TMEM132D: variants seen among roughly 807,000 people sequenced by gnomAD.
TMEM132D encodes the protein transmembrane protein 132D.
Under a neutral mutation model 62.3 loss-of-function variants are expected in TMEM132D, and 21 were observed. That is an observed-to-expected ratio of 0.34 (90% CI 0.24 to 0.49). The LOEUF is 0.49. Among genes scored for constraint, TMEM132D ranks in the 20% least tolerant of loss-of-function variants. TMEM132D has a pLI of 0.99. For missense variants in TMEM132D, 1,346 were observed against 1,402.8 expected (o/e 0.96, Z 0.65); for synonymous variants, 621 against 575.6 (o/e 1.08, Z -1.13).
chr12:129,645,012 T>G (rs931893281), intron 2 of TMEM132D, among the ~76,000 whole-genome samples: 5 of 130,692 alleles, frequency 3.8e-5, no homozygotes, highest in African/African-American at 1.4e-4. Context: ...AAAAAAAAAT[T>G]AACCCAAACA....
chr12:129,428,861 C>T (rs945066176), intron 3 of TMEM132D, among the ~76,000 whole-genome samples: 36 of 152,158 alleles, frequency 2.4e-4, no homozygotes, highest in African/African-American at 8.7e-4. Context: ...TTGGAAGGCT[C>T]CCAGAATTTG....
At chr12:129,822,697 A>T (rs1251701555) in intron 1 of TMEM132D, among the ~76,000 whole-genome samples, 2 of 152,196 alleles carry the variant, frequency 1.3e-5, no homozygotes, top group Non-Finnish European at 2.9e-5. Flanking sequence ...GCACCTTCTC[A>T]CAGGGCGGCA....
intron 1 of TMEM132D, among the ~76,000 whole-genome samples, chr12:129,880,650 G>A (rs563358889): frequency 7.2e-4 from 110 of 152,264 alleles, no homozygotes; most frequent in Non-Finnish European, 1.4e-3. Context: ...TAGTAATATT[G>A]CTCAGAAATT....
intron 1 of TMEM132D, among the ~76,000 whole-genome samples, chr12:129,901,210 T>C (rs1041508221): frequency 6.6e-6 from 1 of 152,210 alleles, no homozygotes; most frequent in African/African-American, 2.4e-5. Context: ...ATTAAAATCC[T>C]TTTCAATATA....
intron 2 of TMEM132D, among the ~76,000 whole-genome samples, chr12:129,582,427 CAG>C (rs1171740856): frequency 6.6e-6 from 1 of 152,188 alleles, no homozygotes; most frequent in East Asian, 1.9e-4. Context: ...GCTCTCAATG[CAG>C]AGTGTCAGGC....
chr12:129,648,370 G>A (rs1005426722), intron 2 of TMEM132D, among the ~76,000 whole-genome samples: 2 of 152,096 alleles, frequency 1.3e-5, no homozygotes, highest in Admixed American at 6.5e-5. Flanking sequence ...CCCTGCCCTA[G>A]AAATTTCTTT....
At chr12:129,613,867 C>G (rs1878844914) in intron 2 of TMEM132D, among the ~76,000 whole-genome samples, 1 of 148,988 alleles carries the variant, frequency 6.7e-6, no homozygotes, top group Non-Finnish European at 1.5e-5. Flanking sequence ...CCAACCAGCT[C>G]CAGAACCCAG....
intron 2 of TMEM132D, among the ~76,000 whole-genome samples, chr12:129,603,865 C>T (rs1312480338): frequency 6.6e-6 from 1 of 152,164 alleles, no homozygotes; most frequent in Non-Finnish European, 1.5e-5. Flanking sequence ...AAGACACATG[C>T]ACACATATAT....
chr12:129,622,996 G>A (rs941715591), intron 2 of TMEM132D, among the ~76,000 whole-genome samples: 3 of 152,098 alleles, frequency 2.0e-5, no homozygotes, highest in African/African-American at 4.8e-5. Context: ...AAGTTCATCC[G>A]CAATAGAAGA....
intron 2 of TMEM132D, among the ~76,000 whole-genome samples, chr12:129,687,953 C>A (rs752123283): frequency 1.3e-5 from 2 of 152,186 alleles, no homozygotes; most frequent in Non-Finnish European, 2.9e-5. Context: ...ACTGTTATTA[C>A]ATTCCTCTCT....
intron 1 of TMEM132D, among the ~76,000 whole-genome samples, chr12:129,795,308 G>A (rs1246806200): frequency 2.0e-5 from 3 of 152,158 alleles, no homozygotes; most frequent in Non-Finnish European, 4.4e-5. Context: ...CGTGCACTGG[G>A]CCTGGCTATG....
intron 2 of TMEM132D, among the ~76,000 whole-genome samples, chr12:129,670,430 C>T (rs1054293625): frequency 7.9e-5 from 12 of 152,096 alleles, no homozygotes; most frequent in African/African-American, 2.7e-4. Context: ...AGACCCTGCA[C>T]GTGATGAGTC....
At chr12:129,484,613 G>A (rs755209567) in intron 3 of TMEM132D, among the ~76,000 whole-genome samples, 14 of 152,180 alleles carry the variant, frequency 9.2e-5, no homozygotes, top group African/African-American at 3.4e-4. Flanking sequence ...GATCTAACAT[G>A]CTCTCTTCCA....
intron 4 of TMEM132D, among the ~76,000 whole-genome samples, chr12:129,304,662 C>CTTTTTT (rs35812965): frequency 1.0e-3 from 97 of 93,628 alleles, no homozygotes; most frequent in East Asian, 1.8e-3. Context: ...ATACTTGGAT[C>CTTTTTT]TTTTTTTTTT....
At position 129,269,729 on chromosome 12, in the gene TMEM132D, G is replaced by C. The variant is rs760715071; in HGVS notation, c.1300-60066C>G. On this transcript the variant is annotated intron_variant, in intron 4 of 8. Transcript: ENST00000422113. Reference sequence around the variant, plus strand: ...TCTAGGGTCTGCTTTGTTCCTGCCTGTTCCGCTCCAGCTCACTTGCATCCT... The same window carrying C: ...TCTAGGGTCTGCTTTGTTCCTGCCTCTTCCGCTCCAGCTCACTTGCATCCT... Among the ~76,000 whole-genome samples, 8 of 152,128 alleles carry C rather than the reference G, an allele frequency of 5.3e-5. 1 individual carries two copies. Among genetic ancestry groups the C allele is most frequent in the Admixed American group, 2.6e-4 (4 of 15,274 alleles).
At chr12:129,680,945 G>C (rs993021558) in intron 2 of TMEM132D, among the ~76,000 whole-genome samples, 2 of 152,202 alleles carry the variant, frequency 1.3e-5, no homozygotes, top group Admixed American at 1.3e-4. Context: ...AGGGACAGTG[G>C]CATGAGAGAG....
chr12:129,338,099 T>C (rs887586706), intron 3 of TMEM132D, among the ~76,000 whole-genome samples: 1 of 152,244 alleles, frequency 6.6e-6, no homozygotes, highest in African/African-American at 2.4e-5. Flanking sequence ...TTGTGGATAA[T>C]TATGGGAAAT....
At chr12:129,751,280 T>C (rs1415242378) in intron 1 of TMEM132D, among the ~76,000 whole-genome samples, 1 of 152,170 alleles carries the variant, frequency 6.6e-6, no homozygotes, top group Non-Finnish European at 1.5e-5. Flanking sequence ...GTCTTAACCA[T>C]GGCAGAGCAG....
chr12:129,462,990 G>C (rs904952064), intron 3 of TMEM132D, among the ~76,000 whole-genome samples: 5 of 152,178 alleles, frequency 3.3e-5, no homozygotes, highest in Non-Finnish European at 7.3e-5. Context: ...ATAAACTCCA[G>C]AGATTTCAAA....
Sources: allele counts gnomAD v4.1 joint callset (sites outside exome capture counted in the v4.1 genomes callset), GRCh38; gene constraint gnomAD v4.1.1; transcripts MANE v1.5; gene names NCBI Gene and HGNC (gene_info 2026-07-23, HGNC 2026-07-21).